Variants in ECPAS observed in about 807,000 individuals in gnomAD.
ECPAS encodes Ecm29 proteasome adaptor and scaffold.
ECPAS carries 70 observed loss-of-function variants against 255.1 expected under a neutral mutation model. The ratio of observed to expected loss-of-function variants is 0.27; its 90% CI spans 0.23 to 0.33. ECPAS has a LOEUF of 0.33. Ranked by LOEUF, ECPAS falls within the 10% of genes least tolerant of loss-of-function variation. The probability of loss-of-function intolerance (pLI) is 1.00; values close to 1 mark genes in which losing one functional copy is unlikely to be tolerated. For missense variants in ECPAS, 1,817 were observed against 2,206.4 expected (o/e 0.82, Z 3.54); for synonymous variants, 784 against 775.0 (o/e 1.01, Z -0.19).
chr9:111,458,578 C>A (rs538345511), intron 2 of ECPAS, among the ~76,000 whole-genome samples: 58 of 149,814 alleles, frequency 3.9e-4, no homozygotes, highest in African/African-American at 1.2e-3. Flanking sequence ...AAAGACTAAT[C>A]ATCTTGCAGG....
chr9:111,381,797 T>G (rs2098140864), intron 35 of ECPAS, among the ~76,000 whole-genome samples: 1 of 152,198 alleles, frequency 6.6e-6, no homozygotes, highest in South Asian at 2.1e-4. Context: ...TTTCATTAGC[T>G]TCTTAAACAG....
chr9:111,396,350 C>T (rs1479646281), intron 25 of ECPAS, among the ~76,000 whole-genome samples: 1 of 152,144 alleles, frequency 6.6e-6, no homozygotes, highest in Non-Finnish European at 1.5e-5. Flanking sequence ...GTACCTAGAG[C>T]GCTAGCAGAA....
chr9:111,463,424 A>T (rs1589229022), intron 2 of ECPAS, among the ~76,000 whole-genome samples: 2 of 152,242 alleles, frequency 1.3e-5, no homozygotes. Flanking sequence ...CCAACAGTCA[A>T]ACATTCTCTA....
chr9:111,470,965 C>T (rs569496587), intron 2 of ECPAS, among the ~76,000 whole-genome samples: 13 of 152,002 alleles, frequency 8.6e-5, no homozygotes, highest in Non-Finnish European at 1.8e-4. Flanking sequence ...TAGGAGGTGA[C>T]AAGCAGGAAA....
intron 2 of ECPAS, among the ~76,000 whole-genome samples, chr9:111,460,904 G>T (rs1452177037): frequency 6.6e-6 from 1 of 152,112 alleles, no homozygotes; most frequent in East Asian, 1.9e-4. Context: ...GATAACTTGG[G>T]TAACACTAAA....
chr9:111,455,304 G>A (rs1387793575), intron 2 of ECPAS, among the ~76,000 whole-genome samples: 1 of 152,066 alleles, frequency 6.6e-6, no homozygotes, highest in Admixed American at 6.6e-5. Flanking sequence ...CGAACACGGT[G>A]AAACCCCATC....
intron 48 of ECPAS, 138 bp downstream of exon 48, chr9:111,366,101 C>G (rs2098120059): frequency 1.7e-6 from 1 of 590,208 alleles, no homozygotes; most frequent in South Asian, 2.3e-5. Flanking sequence ...AAGGGGTACA[C>G]ATGGAGTATA....
chr9:111,451,497 C>T lies in ECPAS; in HGVS notation c.81G>A (p.Gln27=). The stretch of plus-strand genomic sequence containing the variant: ...GAGGAAGGAATTTAGATATAATATT[C>T]TGTAATTGTTCATCTGTTTCAGCAT... ...LGHAETDEQL[Q]NIISKFLPPV... is the part of the protein sequence containing the mutation. The change falls in exon 3 of 50, where the codon CAG becomes CAA. Residue 27 remains glutamine, a synonymous_variant. Coordinates refer to ENST00000684092, the MANE Select transcript of ECPAS (RefSeq NM_001364929.1). 1 of 1,575,292 alleles carries T rather than the reference C, an allele frequency of 6.3e-7. No homozygotes were observed. Among genetic ancestry groups the T allele is most frequent in the Non-Finnish European group, 8.6e-7 (1 of 1,159,568 alleles).
intron 2 of ECPAS, among the ~76,000 whole-genome samples, chr9:111,460,256 A>G (rs1181067401): frequency 1.3e-5 from 2 of 152,248 alleles, no homozygotes; most frequent in Non-Finnish European, 2.9e-5. Context: ...GCATTTGATC[A>G]AATTCAACAT....
intron 8 of ECPAS, 142 bp from the exon 9 acceptor site, chr9:111,430,770 G>C (rs889011930): frequency 2.5e-5 from 17 of 669,852 alleles, no homozygotes; most frequent in East Asian, 2.5e-4. Flanking sequence ...CATTGTAGAA[G>C]AGAAGGAAAA....
intron 38 of ECPAS, among the ~76,000 whole-genome samples, chr9:111,374,587 TTTTTA>T (rs768020507): frequency 6.6e-6 from 1 of 152,218 alleles, no homozygotes; most frequent in Non-Finnish European, 1.5e-5. Context: ...TTCTGGACAA[TTTTTA>T]TTTTAACTTT....
chr9:111,428,099 A>T lies in ECPAS; in HGVS notation c.993T>A (p.Ile331=). ...DPVSTRVKLK[I]VPHLLRSRQA... ...GTCTAGAGCGGAGGAGATGGGGGAC[A>T]ATCTTTAACTTGACTCTTGTACTGA... The change falls in exon 10 of 50, where the codon ATT becomes ATA. Residue 331 remains isoleucine, a synonymous_variant. Transcript: ENST00000684092. The T allele has an allele frequency of 6.2e-7, 1 of 1,613,514 alleles. No homozygotes were observed. Among genetic ancestry groups the T allele is most frequent in the Non-Finnish European group, 8.5e-7 (1 of 1,179,646 alleles).
chr9:111,435,062 C>A (rs921207936), intron 7 of ECPAS, among the ~76,000 whole-genome samples: 1 of 151,534 alleles, frequency 6.6e-6, no homozygotes, highest in African/African-American at 2.4e-5. Flanking sequence ...CCACGCCCAG[C>A]TAATTTTTCT....
At chr9:111,460,125 AC>A (rs2098271494) in intron 2 of ECPAS, among the ~76,000 whole-genome samples, 1 of 152,248 alleles carries the variant, frequency 6.6e-6, no homozygotes, top group Non-Finnish European at 1.5e-5. Flanking sequence ...AATACATCAT[AC>A]AAAAATTGGA....
chr9:111,484,179 G>C lies in ECPAS; in HGVS notation c.-146C>G. Reference sequence around the variant, plus strand: ...TCGGCGCCGCGAGGTGAGGGCTGTAGAGCGAGGCGTTCGGCGGGCCGGGCC... The same window carrying C: ...TCGGCGCCGCGAGGTGAGGGCTGTACAGCGAGGCGTTCGGCGGGCCGGGCC... On this transcript the variant is annotated 5_prime_UTR_variant, in exon 1 of 50. Transcript: ENST00000684092. 2 of 1,484,578 alleles carry C rather than the reference G, an allele frequency of 1.3e-6. No individual in the cohort carries two copies. The highest frequency in any genetic ancestry group is 8.9e-7 in the Non-Finnish European group (1 of 1,120,164). The allele number at this position is 1,484,578 out of a possible 1,614,324, so 92.0% of individuals were successfully genotyped here. A position where few individuals can be genotyped will look rare whatever the true frequency, so the allele number is the denominator to read the frequency against.
intron 2 of ECPAS, among the ~76,000 whole-genome samples, chr9:111,452,364 T>C (rs945430459): frequency 6.6e-6 from 1 of 152,180 alleles, no homozygotes; most frequent in African/African-American, 2.4e-5. Context: ...TAGAGATAAA[T>C]ACATTTATAA....
chr9:111,366,506 C>T lies in ECPAS; in HGVS notation c.5219+16G>A. ...GGGAGGAACAAAATAAAAAACTGAG[C>T]CATGAAGCAATTTACCCCTGAAAAA... On this transcript the variant is annotated intron_variant, in intron 47 of 49. Transcript: ENST00000684092. 1 of 1,574,372 alleles carries T rather than the reference C, an allele frequency of 6.4e-7. No homozygotes were observed. Among genetic ancestry groups the T allele is most frequent in the Non-Finnish European group, 8.7e-7 (1 of 1,144,462 alleles).
chr9:111,410,794 T>C (rs1249506600), intron 22 of ECPAS, among the ~76,000 whole-genome samples, 186 bp downstream of exon 22: 7 of 152,150 alleles, frequency 4.6e-5, no homozygotes, highest in Non-Finnish European at 8.8e-5. Flanking sequence ...ACTGAGATTA[T>C]AGGCATGAGC....
intron 23 of ECPAS, among the ~76,000 whole-genome samples, chr9:111,409,377 T>C (rs1245824409): frequency 1.3e-5 from 2 of 152,072 alleles, no homozygotes; most frequent in Non-Finnish European, 2.9e-5. Context: ...CTGGCCAACA[T>C]GGTGAAACCC....
Sources: allele counts gnomAD v4.1 joint callset (sites outside exome capture counted in the v4.1 genomes callset), GRCh38; gene constraint gnomAD v4.1.1; transcripts MANE v1.5; gene names NCBI Gene and HGNC (gene_info 2026-07-23, HGNC 2026-07-21).